The following MAPKAPK3 variants were observed in gnomAD, a reference collection of about 807,000 sequenced individuals.
MAPKAPK3 encodes MAPK activated protein kinase 3.
MAPKAPK3 carries 35 observed loss-of-function variants against 49.2 expected under a neutral mutation model. The ratio of observed to expected loss-of-function variants is 0.71; its 90% CI spans 0.54 to 0.94. The LOEUF is 0.94. Ranked by LOEUF, MAPKAPK3 falls within the 40% of genes least tolerant of loss-of-function variation. The probability of loss-of-function intolerance (pLI) is 0.00; values close to 1 mark genes in which losing one functional copy is unlikely to be tolerated. For missense variants in MAPKAPK3, 398 were observed against 493.1 expected, an observed-to-expected ratio of 0.81 and a Z score of 1.83; for synonymous variants, 178 against 188.7, an observed-to-expected ratio of 0.94 and a Z score of 0.46.
chr3:50,615,930 CT>C (rs2032455109), upstream of MAPKAPK3, among the ~76,000 whole-genome samples: 1 of 152,270 alleles, frequency 6.6e-6, no homozygotes, highest in East Asian at 1.9e-4. Context: ...CCAAGAGCTA[CT>C]TCTCTGATGA....
Position 50,640,423 on chromosome 3 carries a change from G to A in MAPKAPK3, c.277G>A (p.Gly93Ser). The A allele has an allele frequency of 6.2e-7, 1 of 1,614,136 alleles. No homozygotes were observed. The highest frequency in any genetic ancestry group is 1.1e-5 in the South Asian group (1 of 91,084). Residue 93 changes from glycine (G) to serine (S), a missense_variant, in exon 3 of 11, where the codon GGC becomes AGC. Gly to Ser is a moderately conservative substitution (Grantham distance 56). Transcript: ENST00000621469. ...QEVDHHWQASGGPHIVCILDV... is the reference protein window; with the variant it reads ...QEVDHHWQASSGPHIVCILDV... ...GGTAGACCATCACTGGCAGGCTTCT[G>A]GCGGCCCCCATATTGTCTGCATCCT...
At chr3:50,630,808 T>A (rs1211213618) in intron 2 of MAPKAPK3, among the ~76,000 whole-genome samples, 1 of 152,198 alleles carries the variant, frequency 6.6e-6, no homozygotes, top group Non-Finnish European at 1.5e-5. Flanking sequence ...TTTGGGCAAG[T>A]CACTTAACCT....
At chr3:50,619,628 A>G (rs778985026) in intron 2 of MAPKAPK3, among the ~76,000 whole-genome samples, 3 of 152,090 alleles carry the variant, frequency 2.0e-5, no homozygotes, top group African/African-American at 7.2e-5. Context: ...CCAGAGACCC[A>G]CTTCTTAATA....
intron 2 of MAPKAPK3, among the ~76,000 whole-genome samples, chr3:50,630,573 T>C (rs570244102): frequency 5.3e-5 from 8 of 152,352 alleles, no homozygotes; most frequent in African/African-American, 1.9e-4. Flanking sequence ...CGGGGCTCCG[T>C]GAACATCTGC....
intron 2 of MAPKAPK3, among the ~76,000 whole-genome samples, chr3:50,624,771 G>A (rs2107578024): frequency 6.6e-6 from 1 of 152,280 alleles, no homozygotes. Context: ...AGGCTGCCAT[G>A]TCTAATGGTG....
intron 2 of MAPKAPK3, among the ~76,000 whole-genome samples, chr3:50,622,647 G>T (rs2032637640): frequency 6.6e-6 from 1 of 152,224 alleles, no homozygotes. Flanking sequence ...CTCCACAGGA[G>T]AGGGGTTCTT....
chr3:50,621,428 C>T (rs1035666881), intron 2 of MAPKAPK3, among the ~76,000 whole-genome samples: 1 of 151,726 alleles, frequency 6.6e-6, no homozygotes, highest in Non-Finnish European at 1.5e-5. Context: ...CTTGTCTCTA[C>T]TAAAAATAAA....
Position 50,617,649 on chromosome 3 carries a change from G to C in MAPKAPK3, c.84G>C (p.Pro28=). 6.2e-7 allele frequency: 1 copy of C among 1,605,120 alleles called. No homozygotes were observed. The highest frequency in any genetic ancestry group is 8.5e-7 in the Non-Finnish European group (1 of 1,172,840). ...GCGGACCCGGCTTGGGCGGTGCTCC[G>C]GGGGGGCGGCGGGAGCCCAAGAAGT... ...APGGPGLGGA[P]GGRREPKKYA... The change falls in exon 2 of 11, where the codon CCG becomes CCC. Residue 28 remains proline (P), a synonymous_variant. Coordinates refer to ENST00000621469, the MANE Select transcript of MAPKAPK3 (RefSeq NM_001243925.2).
At position 50,636,110 on chromosome 3, in the gene MAPKAPK3, CA is replaced by C. The variant is rs534137922; in HGVS notation, c.220-4246del. ...TGGGTGACAGAGCAAGATTCTGTCT[CA>C]AAAAAAAAATCTACAACTATTACCT... On this transcript the variant is annotated intron_variant, in intron 2 of 10. Coordinates refer to ENST00000621469, the MANE Select transcript of MAPKAPK3 (RefSeq NM_001243925.2). Among the ~76,000 whole-genome samples the C allele has an allele frequency of 1.5e-4, 23 of 149,284 alleles. No homozygotes were observed. In the South Asian group the frequency reaches 2.1e-3, roughly 14 times the overall value.
intron 2 of MAPKAPK3, among the ~76,000 whole-genome samples, chr3:50,639,298 A>T (rs1199500728): frequency 2.0e-5 from 3 of 151,838 alleles, no homozygotes; most frequent in Non-Finnish European, 4.4e-5. Context: ...ATCTCACTCC[A>T]CTCAGCTGTC....
At chr3:50,633,256 A>C (rs1337547317) in intron 2 of MAPKAPK3, among the ~76,000 whole-genome samples, 4 of 152,012 alleles carry the variant, frequency 2.6e-5, no homozygotes, top group Non-Finnish European at 5.9e-5. Flanking sequence ...ATATTAGATG[A>C]ACAAATGGAC....
chr3:50,617,257 G>GC lies in MAPKAPK3; in HGVS notation c.-53+21dup. On this transcript the variant is annotated intron_variant, in intron 1 of 10. Transcript: ENST00000621469. ...TTGCCGCCAGGTACGCCCTCGCTGG[G>GC]CCCCCTCTGCGGCCTCCTCCGGGGA... The GC allele has an allele frequency of 7.2e-6, 2 of 279,568 alleles. No individual in the cohort carries two copies. The highest frequency in any genetic ancestry group is 1.3e-5 in the Non-Finnish European group (2 of 149,152). 17.3% of individuals were successfully genotyped at this position (279,568 alleles called of 1,614,324 possible). A position where few individuals can be genotyped will look rare whatever the true frequency, so the allele number is the denominator to read the frequency against.
intron 2 of MAPKAPK3, among the ~76,000 whole-genome samples, chr3:50,618,294 C>T (rs1277880744): frequency 6.6e-6 from 1 of 152,162 alleles, no homozygotes; most frequent in East Asian, 1.9e-4. Flanking sequence ...GGCTGATGCC[C>T]ACTGCACCTG....
chr3:50,644,642 A>T, intron 6 of MAPKAPK3, 110 bp downstream of exon 6: 1 of 1,201,538 alleles, frequency 8.3e-7, no homozygotes, highest in Non-Finnish European at 1.2e-6. Flanking sequence ...GCAAGGAGGG[A>T]GGGGGAGAAT....
chr3:50,645,267 G>T (rs779038367), intron 6 of MAPKAPK3, among the ~76,000 whole-genome samples: 6 of 152,120 alleles, frequency 3.9e-5, no homozygotes, highest in Admixed American at 6.5e-5. Context: ...GAAGACAAAG[G>T]CTCCATGGAT....
At chr3:50,642,921 G>A (rs578081937) in intron 5 of MAPKAPK3, among the ~76,000 whole-genome samples, 8 of 152,178 alleles carry the variant, frequency 5.3e-5, no homozygotes, top group East Asian at 3.9e-4. Context: ...GCGCAATCTC[G>A]GCTCACTGCA....
intron 2 of MAPKAPK3, among the ~76,000 whole-genome samples, chr3:50,627,479 G>A (rs1357482124): frequency 6.6e-6 from 1 of 152,198 alleles, no homozygotes; most frequent in Non-Finnish European, 1.5e-5. Flanking sequence ...TTCTGCCAGG[G>A]TCAGGAGCTC....
chr3:50,647,588 G>A (rs1409028349), intron 10 of MAPKAPK3, among the ~76,000 whole-genome samples: 2 of 152,286 alleles, frequency 1.3e-5, no homozygotes, highest in African/African-American at 4.8e-5. Flanking sequence ...CAGCGAGATG[G>A]CATTCTCTGC....
At position 50,617,534 on chromosome 3, in the gene MAPKAPK3, C is replaced by T. The variant is rs1194052039; in HGVS notation, c.-32C>T. On this transcript the variant is annotated 5_prime_UTR_variant, in exon 2 of 11. Transcript: ENST00000621469. ...CCCAGGTGCCACTAGAAGCGCCAGG[C>T]TGGGGCCGCCTCTGAGCGCCCCGCG... 2 of 1,113,204 alleles carry T rather than the reference C, an allele frequency of 1.8e-6. No individual in the cohort carries two copies. The highest frequency in any genetic ancestry group is 2.7e-6 in the Non-Finnish European group (2 of 747,492). The allele number at this position is 1,113,204 out of a possible 1,614,324, so 69.0% of individuals were successfully genotyped here.
Sources: allele counts gnomAD v4.1 joint callset (sites outside exome capture counted in the v4.1 genomes callset), GRCh38; gene constraint gnomAD v4.1.1; transcripts MANE v1.5; gene names NCBI Gene and HGNC (gene_info 2026-07-23, HGNC 2026-07-21).